DLGAP2: variants seen among roughly 807,000 people sequenced by gnomAD.
DLGAP2 encodes the protein disks large-associated protein 2.
DLGAP2 carries 26 observed loss-of-function variants against 100.3 expected under a neutral mutation model. The ratio of observed to expected loss-of-function variants is 0.26; its 90% confidence interval spans 0.19 to 0.36. The LOEUF (loss-of-function observed/expected upper bound fraction) is 0.36. Among genes scored for constraint, DLGAP2 ranks in the 10% least tolerant of loss-of-function variants. The pLI is 1.00. For synonymous variants in DLGAP2, 886 were observed against 630.1 expected (o/e 1.41, Z -6.08); for missense variants, 1,858 against 1,453.2 (o/e 1.28, Z -4.53).
chr8:1,462,180 G>A (rs1446887410), intron 3 of DLGAP2, among the ~76,000 whole-genome samples: 1 of 57,532 alleles, frequency 1.7e-5, no homozygotes, highest in Non-Finnish European at 3.0e-5. Flanking sequence ...TGTCAGGTGG[G>A]CTGGGTGCAG....
chr8:1,107,359 C>G (rs1179711115), intron 2 of DLGAP2, among the ~76,000 whole-genome samples: 1 of 152,178 alleles, frequency 6.6e-6, no homozygotes, highest in Admixed American at 6.5e-5. Flanking sequence ...TTGCTGAGCC[C>G]CCGCACCCGG....
At chr8:1,364,152 C>G (rs893835318) in intron 3 of DLGAP2, among the ~76,000 whole-genome samples, 1 of 152,242 alleles carries the variant, frequency 6.6e-6, no homozygotes, top group African/African-American at 2.4e-5. Context: ...CCCGTGCCTC[C>G]TCCCACTGGA....
chr8:1,552,879 C>T (rs1177751674), intron 5 of DLGAP2, among the ~76,000 whole-genome samples: 1 of 152,204 alleles, frequency 6.6e-6, no homozygotes, highest in African/African-American at 2.4e-5. Flanking sequence ...AATTGAAAGG[C>T]AATTCAGGCC....
intron 2 of DLGAP2, among the ~76,000 whole-genome samples, chr8:1,042,110 G>GA (rs1223850501): frequency 2.0e-5 from 3 of 152,202 alleles, no homozygotes; most frequent in African/African-American, 7.2e-5. Context: ...AGACAGGCAG[G>GA]AGAGCCCCCA....
intron 3 of DLGAP2, among the ~76,000 whole-genome samples, chr8:1,335,837 G>A (rs1450646411): frequency 6.6e-6 from 1 of 152,262 alleles, no homozygotes; most frequent in Non-Finnish European, 1.5e-5. Flanking sequence ...ATAAGAAAAT[G>A]TGGCTAAAAG....
intron 10 of DLGAP2, among the ~76,000 whole-genome samples, chr8:1,670,799 G>A (rs1392416329): frequency 6.6e-6 from 1 of 152,234 alleles, no homozygotes. Flanking sequence ...TGTAGTTGGA[G>A]CAGCTCCAGT....
chr8:1,324,841 A>G (rs1223252695), intron 3 of DLGAP2, among the ~76,000 whole-genome samples: 1 of 152,180 alleles, frequency 6.6e-6, no homozygotes, highest in African/African-American at 2.4e-5. Context: ...GTCCCGTGAA[A>G]TACGGAGCTG....
chr8:1,621,683 C>G (rs1482610369), intron 6 of DLGAP2: 4 of 152,464 alleles, frequency 2.6e-5, no homozygotes, highest in Non-Finnish European at 5.9e-5. Context: ...CCGTCAGCAC[C>G]AGGAGGGCAG....
chr8:1,504,533 G>T (rs530158797), intron 4 of DLGAP2, among the ~76,000 whole-genome samples: 1 of 151,878 alleles, frequency 6.6e-6, no homozygotes, highest in Non-Finnish European at 1.5e-5. Flanking sequence ...GCACCCTTCC[G>T]CCAACATCCT....
intron 2 of DLGAP2, among the ~76,000 whole-genome samples, chr8:998,146 CACA>C (rs1279469963): frequency 1.3e-5 from 2 of 152,102 alleles, no homozygotes; most frequent in Non-Finnish European, 2.9e-5. Flanking sequence ...CATGTGCATA[CACA>C]ACACACATAC....
chr8:1,525,657 T>C (rs1004735005), intron 4 of DLGAP2, among the ~76,000 whole-genome samples: 1 of 152,256 alleles, frequency 6.6e-6, no homozygotes, highest in African/African-American at 2.4e-5. Context: ...GAGATTCTAA[T>C]GCTGGGAGGT....
chr8:1,184,672 G>T (rs558574157), intron 2 of DLGAP2, among the ~76,000 whole-genome samples: 1 of 152,294 alleles, frequency 6.6e-6, no homozygotes, highest in South Asian at 2.1e-4. Context: ...CGGAGTTTGC[G>T]GGAAACAGTG....
chr8:1,622,837 C>A (rs1273743565), intron 6 of DLGAP2, among the ~76,000 whole-genome samples: 1 of 152,188 alleles, frequency 6.6e-6, no homozygotes, highest in Non-Finnish European at 1.5e-5. Context: ...TGAAAGTCAA[C>A]TTCAAAATGC....
intron 2 of DLGAP2, among the ~76,000 whole-genome samples, chr8:1,165,326 C>G (rs889659422): frequency 6.6e-6 from 1 of 152,046 alleles, no homozygotes; most frequent in African/African-American, 2.4e-5. Context: ...CACGCGCATA[C>G]AGCATCAGCC....
At chr8:1,570,527 A>C (rs1299675928) in intron 6 of DLGAP2, among the ~76,000 whole-genome samples, 1 of 152,222 alleles carries the variant, frequency 6.6e-6, no homozygotes, top group Non-Finnish European at 1.5e-5. Context: ...ATTCCCACCT[A>C]AGCTTTGAGA....
At chr8:1,022,231 C>A (rs867780315) in intron 2 of DLGAP2, among the ~76,000 whole-genome samples, 2 of 150,910 alleles carry the variant, frequency 1.3e-5, no homozygotes, top group Admixed American at 6.6e-5. Flanking sequence ...AGTCCCATGC[C>A]GAGGTAGACA....
intron 1 of DLGAP2, among the ~76,000 whole-genome samples, chr8:828,181 C>G (rs1796717173): frequency 6.6e-6 from 1 of 152,190 alleles, no homozygotes; most frequent in Admixed American, 6.5e-5. Flanking sequence ...AACATCTTAT[C>G]AGGAGACAGG....
At chr8:1,032,560 A>AT (rs1273355191) in intron 2 of DLGAP2, 6 of 152,096 alleles carry the variant, frequency 3.9e-5, no homozygotes, top group African/African-American at 1.5e-4. Flanking sequence ...TGATTTAAAC[A>AT]TTTTCTGGTC....
intron 3 of DLGAP2, among the ~76,000 whole-genome samples, chr8:1,335,007 T>C (rs1262301285): frequency 6.6e-6 from 1 of 152,146 alleles, no homozygotes; most frequent in Non-Finnish European, 1.5e-5. Flanking sequence ...CACAGAAATC[T>C]TATAAGCATC....
Sources: gnomAD v4.1 joint callset for allele counts (sites outside exome capture counted in the v4.1 genomes callset) on GRCh38, gnomAD v4.1.1 for gene constraint, MANE v1.5 for transcripts, NCBI Gene and HGNC (gene_info 2026-07-23, HGNC 2026-07-21) for gene names.